The following TTC29 variants were observed in gnomAD, a reference collection of about 807,000 sequenced individuals.
TTC29 encodes tetratricopeptide repeat protein 29.
Under a neutral mutation model 58.1 loss-of-function variants are expected in TTC29, and 49 were observed. The ratio of observed to expected loss-of-function variants is 0.84; its 90% CI spans 0.67 to 1.07. TTC29 has a LOEUF of 1.07. Ranked by LOEUF, TTC29 falls within the 50% of genes least tolerant of loss-of-function variation. The pLI is 0.00. For missense variants in TTC29, 582 were observed against 555.6 expected (o/e 1.05, Z -0.48); for synonymous variants, 209 against 196.8 (o/e 1.06, Z -0.52).
intron 11 of TTC29, among the ~76,000 whole-genome samples, chr4:146,735,886 A>G (rs1744676234): frequency 6.6e-6 from 1 of 152,202 alleles, no homozygotes; most frequent in African/African-American, 2.4e-5. Context: ...ACAAGACAAT[A>G]GGGAAAGGCA....
intron 11 of TTC29, among the ~76,000 whole-genome samples, chr4:146,799,879 T>A (rs933748484): frequency 2.6e-5 from 4 of 152,196 alleles, no homozygotes; most frequent in African/African-American, 4.8e-5. Context: ...GTCTGAGATC[T>A]CCAAAAGGCC....
chr4:146,817,863 GA>G (rs1751523790), intron 10 of TTC29, among the ~76,000 whole-genome samples: 1 of 152,180 alleles, frequency 6.6e-6, no homozygotes, highest in Non-Finnish European at 1.5e-5. Context: ...ATGATGCTGG[GA>G]AAACTGGCTA....
chr4:146,803,298 A>T (rs1402336527), intron 11 of TTC29, among the ~76,000 whole-genome samples, 159 bp downstream of exon 11: 1 of 152,236 alleles, frequency 6.6e-6, no homozygotes, highest in Non-Finnish European at 1.5e-5. Flanking sequence ...ATAATTTAGC[A>T]CAAAAGTATA....
chr4:146,908,761 T>C (rs999462290), intron 5 of TTC29, among the ~76,000 whole-genome samples: 2 of 152,226 alleles, frequency 1.3e-5, no homozygotes, highest in African/African-American at 4.8e-5. Flanking sequence ...TGTTAATTCA[T>C]GGGGGAAGTT....
chr4:146,820,858 C>A (rs1240772701), intron 9 of TTC29, among the ~76,000 whole-genome samples: 2 of 152,102 alleles, frequency 1.3e-5, no homozygotes, highest in Non-Finnish European at 2.9e-5. Flanking sequence ...TGGTGAAACC[C>A]CATCTCTACT....
At chr4:146,720,546 T>C (rs1743280349) in intron 11 of TTC29, among the ~76,000 whole-genome samples, 2 of 152,096 alleles carry the variant, frequency 1.3e-5, no homozygotes, top group South Asian at 4.1e-4. Context: ...AAAACAACAC[T>C]TCTAAAAGCC....
chr4:146,892,558 C>T (rs528957219), intron 6 of TTC29, among the ~76,000 whole-genome samples: 1 of 152,150 alleles, frequency 6.6e-6, no homozygotes, highest in Non-Finnish European at 1.5e-5. Flanking sequence ...CTATCTATGA[C>T]AAACCCACAG....
intron 11 of TTC29, among the ~76,000 whole-genome samples, chr4:146,752,346 G>A (rs1168574875): frequency 0.015 from 542 of 36,648 alleles, 5 homozygotes; most frequent in African/African-American, 0.051. Context: ...AATAACAAGG[G>A]ATGTGAAGGA....
rs553855721 is a variant in TTC29 at position 146,856,336 on chromosome 4, G to A, written c.885+11162C>T. Among the ~76,000 whole-genome samples, 59 of 152,032 alleles carry A rather than the reference G, an allele frequency of 3.9e-4. 2 individuals carry two copies. Among genetic ancestry groups the A allele is most frequent in the African/African-American group, 1.3e-3 (54 of 41,492 alleles). On this transcript the variant is annotated intron_variant, in intron 8 of 12. Transcript: ENST00000325106. ...AACGAATAAGTAAAATAATCATGAAGTTTTGGCCCAAGTGGTATTCTAGAT... is the reference window on the plus strand; with the variant it reads ...AACGAATAAGTAAAATAATCATGAAATTTTGGCCCAAGTGGTATTCTAGAT...
At chr4:146,763,665 T>C (rs548660193) in intron 11 of TTC29, 8 of 152,236 alleles carry the variant, frequency 5.3e-5, no homozygotes, top group African/African-American at 9.6e-5. Flanking sequence ...GAAAAAGATA[T>C]TCTTTCAGTG....
At chr4:146,822,722 C>G (rs1156803167) in intron 9 of TTC29, among the ~76,000 whole-genome samples, 2 of 152,204 alleles carry the variant, frequency 1.3e-5, no homozygotes, top group Non-Finnish European at 2.9e-5. Context: ...CTTCCACCAA[C>G]AGTGTATAAG....
At chr4:146,747,520 G>A (rs147365274) in intron 11 of TTC29, among the ~76,000 whole-genome samples, 95 of 152,276 alleles carry the variant, frequency 6.2e-4, no homozygotes, top group African/African-American at 2.1e-3. Context: ...CCACCCCTGG[G>A]AACATGGAGA....
intron 11 of TTC29, among the ~76,000 whole-genome samples, chr4:146,721,639 AGAGT>A (rs913308599): frequency 1.3e-5 from 2 of 152,166 alleles, no homozygotes; most frequent in African/African-American, 2.4e-5. Flanking sequence ...AAAGACAGAC[AGAGT>A]GAGTTAACGC....
chr4:146,801,021 G>T (rs528286560), intron 11 of TTC29, among the ~76,000 whole-genome samples: 128 of 152,292 alleles, frequency 8.4e-4, no homozygotes, highest in African/African-American at 3.0e-3. Context: ...AAACGGGCAA[G>T]ATTTTCCTGG....
At chr4:146,818,245 CAAAT>C (rs1393630819) in intron 10 of TTC29, among the ~76,000 whole-genome samples, 4 of 152,054 alleles carry the variant, frequency 2.6e-5, no homozygotes, top group African/African-American at 4.8e-5. Flanking sequence ...AAGAAAAAAA[CAAAT>C]AACCCCATCA....
intron 11 of TTC29, among the ~76,000 whole-genome samples, chr4:146,729,974 G>T (rs531496696): frequency 6.6e-6 from 1 of 151,674 alleles, no homozygotes; most frequent in South Asian, 2.1e-4. Flanking sequence ...ATATTAGGTG[G>T]GATTGACACT....
chr4:146,797,989 T>C (rs2150111424), intron 11 of TTC29, among the ~76,000 whole-genome samples: 1 of 151,986 alleles, frequency 6.6e-6, no homozygotes, highest in East Asian at 1.9e-4. Flanking sequence ...TTCACAGTAT[T>C]TCATTGTGAA....
chr4:146,923,597 T>C (rs970367832), intron 4 of TTC29, among the ~76,000 whole-genome samples: 1 of 151,864 alleles, frequency 6.6e-6, no homozygotes, highest in African/African-American at 2.4e-5. Flanking sequence ...AGAATAGTCT[T>C]CACTGAAGCC....
intron 11 of TTC29, among the ~76,000 whole-genome samples, chr4:146,772,183 C>T (rs1045139227): frequency 5.3e-5 from 8 of 152,034 alleles, no homozygotes; most frequent in African/African-American, 1.9e-4. Flanking sequence ...CAAATATATT[C>T]TCCCATTCTG....
Sources: gnomAD v4.1 joint callset for allele counts (sites outside exome capture counted in the v4.1 genomes callset) on GRCh38, gnomAD v4.1.1 for gene constraint, MANE v1.5 for transcripts, NCBI Gene and HGNC (gene_info 2026-07-23, HGNC 2026-07-21) for gene names.